SNX29: variants seen among roughly 807,000 people sequenced by gnomAD.
SNX29 encodes sorting nexin 29, also known as sorting nexin-29.
SNX29 carries 78 observed loss-of-function variants against 102.1 expected under a neutral mutation model. The ratio of observed to expected loss-of-function variants is 0.76; its 90% CI spans 0.64 to 0.92. The LOEUF (loss-of-function observed/expected upper bound fraction) is 0.92. Ranked by LOEUF, SNX29 falls within the 40% of genes least tolerant of loss-of-function variation. The pLI, the probability that SNX29 is intolerant of heterozygous loss-of-function variation, is 0.00. For missense variants in SNX29, 1,280 were observed against 1,061.7 expected (o/e 1.21, Z -2.86); for synonymous variants, 580 against 414.5 (o/e 1.40, Z -4.85).
chr16:12,088,391 T>C (rs1374419627), intron 11 of SNX29, among the ~76,000 whole-genome samples: 1 of 152,154 alleles, frequency 6.6e-6, no homozygotes, highest in South Asian at 2.1e-4. Flanking sequence ...TGACTTGTGC[T>C]GTTTGACAGA....
intron 15 of SNX29, among the ~76,000 whole-genome samples, chr16:12,282,203 A>G (rs571155537): frequency 6.6e-6 from 1 of 152,198 alleles, no homozygotes; most frequent in South Asian, 2.1e-4. Flanking sequence ...TTGAAGAAGA[A>G]GGTTAACTTG....
chr16:12,334,172 A>G (rs1185545771), intron 15 of SNX29, among the ~76,000 whole-genome samples: 1 of 152,206 alleles, frequency 6.6e-6, no homozygotes, highest in East Asian at 1.9e-4. Flanking sequence ...AAGTGCAGCA[A>G]AATGACAAAT....
intron 14 of SNX29, among the ~76,000 whole-genome samples, chr16:12,218,881 TCTC>T (rs1256275069): frequency 5.9e-5 from 9 of 152,092 alleles, no homozygotes; most frequent in Non-Finnish European, 2.9e-5. Flanking sequence ...TTCACGCCAT[TCTC>T]CTGCCTCAGC....
intron 20 of SNX29, among the ~76,000 whole-genome samples, chr16:12,551,915 A>G (rs1252523524): frequency 6.6e-6 from 1 of 152,096 alleles, no homozygotes; most frequent in African/African-American, 2.4e-5. Flanking sequence ...TCTATACCCT[A>G]CCACACAGAG....
At chr16:12,524,877 C>G (rs1490066529) in intron 20 of SNX29, 36 bp downstream of exon 20, 4 of 1,597,826 alleles carry the variant, frequency 2.5e-6, no homozygotes, top group Non-Finnish European at 3.4e-6. Flanking sequence ...GCCGCCAGCC[C>G]TGCCAGCATT....
chr16:12,533,005 T>A (rs758090245), intron 20 of SNX29, among the ~76,000 whole-genome samples: 1 of 152,146 alleles, frequency 6.6e-6, no homozygotes, highest in African/African-American at 2.4e-5. Flanking sequence ...GAGCCCCTCG[T>A]CTGTGGGGAG....
chr16:11,978,925 AAAAC>A (rs565136186), intron 1 of SNX29, among the ~76,000 whole-genome samples: 25 of 146,694 alleles, frequency 1.7e-4, no homozygotes, highest in Non-Finnish European at 2.7e-4. Flanking sequence ...ACTTCGTCTC[AAAAC>A]AAACAAACAA....
chr16:12,206,473 C>A (rs1195336506), intron 14 of SNX29, among the ~76,000 whole-genome samples: 2 of 151,140 alleles, frequency 1.3e-5, no homozygotes, highest in Non-Finnish European at 2.9e-5. Context: ...ATTTCAGACT[C>A]TGCCAACACG....
intron 20 of SNX29, among the ~76,000 whole-genome samples, chr16:12,562,731 C>G (rs138471913): frequency 3.7e-4 from 56 of 152,312 alleles, no homozygotes; most frequent in African/African-American, 1.3e-3. Context: ...CTGTTTCTCG[C>G]TTTTATGGCA....
chr16:12,290,301 C>A (rs1462434775), intron 15 of SNX29, among the ~76,000 whole-genome samples: 1 of 152,218 alleles, frequency 6.6e-6, no homozygotes, highest in African/African-American at 2.4e-5. Flanking sequence ...GACCTTCACA[C>A]AGGCAGGTGT....
intron 19 of SNX29, among the ~76,000 whole-genome samples, chr16:12,492,139 C>T (rs2088581719): frequency 6.6e-6 from 1 of 152,188 alleles, no homozygotes; most frequent in South Asian, 2.1e-4. Context: ...AGTTTACAGT[C>T]CCACCAACAG....
At chr16:12,223,629 A>G (rs112058586) in intron 14 of SNX29, among the ~76,000 whole-genome samples, 2,290 of 152,236 alleles carry the variant, frequency 0.015, 41 homozygotes, top group Admixed American at 0.043. Context: ...GCGCCATTGC[A>G]CTCCAGCCTG....
chr16:12,434,994 T>A (rs891096477), intron 18 of SNX29, among the ~76,000 whole-genome samples: 5 of 151,672 alleles, frequency 3.3e-5, no homozygotes, highest in African/African-American at 1.2e-4. Flanking sequence ...GGTTTGGTCA[T>A]CTCTTCATGG....
chr16:12,012,198 C>T (rs1342879337), intron 3 of SNX29, among the ~76,000 whole-genome samples: 21 of 151,928 alleles, frequency 1.4e-4, no homozygotes, highest in Admixed American at 1.0e-3. Flanking sequence ...TGTCATAGGG[C>T]GACAGCAGGG....
At chr16:12,432,667 C>G (rs545743941) in intron 18 of SNX29, among the ~76,000 whole-genome samples, 1 of 152,310 alleles carries the variant, frequency 6.6e-6, no homozygotes, top group African/African-American at 2.4e-5. Flanking sequence ...CTGTGATGTC[C>G]GAGTACAGGG....
At chr16:12,077,728 C>A (rs932896174) in intron 10 of SNX29, among the ~76,000 whole-genome samples, 2 of 152,138 alleles carry the variant, frequency 1.3e-5, no homozygotes, top group Non-Finnish European at 2.9e-5. Context: ...TGAAGTGATT[C>A]TCCTGCCTCA....
intron 15 of SNX29, among the ~76,000 whole-genome samples, chr16:12,287,351 C>T (rs2079632712): frequency 6.6e-6 from 1 of 152,186 alleles, no homozygotes. Flanking sequence ...AGGAGGCAGG[C>T]TGTATCTCAC....
In SNX29 at chr16:12,573,710, G is replaced by T. The variant is rs2079234385; in HGVS notation, c.*5081G>T. ...CTTGCAAAAATTGGGACTGAGGACAGTAGCACACGGAATGGTGGATCGTAC... is the reference window on the plus strand; with the variant it reads ...CTTGCAAAAATTGGGACTGAGGACATTAGCACACGGAATGGTGGATCGTAC... On this transcript the variant is annotated 3_prime_UTR_variant, in exon 21 of 21. Transcript: ENST00000566228. 4.5e-6 allele frequency: 1 copy of T among 223,476 alleles called. No homozygotes were observed. The highest frequency in any genetic ancestry group is 8.9e-6 in the Non-Finnish European group (1 of 111,922). 13.8% of individuals were successfully genotyped at this position (223,476 alleles called of 1,614,324 possible).
rs7198310 is a variant in SNX29, at chr16:12,122,422, C to T, written c.1403-4211C>T. Among the ~76,000 whole-genome samples, 1,302 of 152,120 alleles carry T rather than the reference C, an allele frequency of 8.6e-3. 17 individuals carry two copies. The highest frequency in any genetic ancestry group is 0.03 in the African/African-American group (1,224 of 41,464). ...GAGCGGAGGCAAGAGTAAGACAGGG[C>T]AGGCCCACGGACTCCCACGACTGCT... On this transcript the variant is annotated intron_variant, in intron 11 of 20. Coordinates refer to ENST00000566228, the MANE Select transcript of SNX29 (RefSeq NM_032167.5).
Sources: allele counts gnomAD v4.1 joint callset (sites outside exome capture counted in the v4.1 genomes callset), GRCh38; gene constraint gnomAD v4.1.1; transcripts MANE v1.5; gene names NCBI Gene and HGNC (gene_info 2026-07-23, HGNC 2026-07-21).